Variants in DAB1 observed in about 807,000 individuals in gnomAD.
The protein encoded by DAB1 is disabled homolog 1.
In DAB1, 15 loss-of-function variants were observed where a neutral mutation model predicts 64.6. The ratio of observed to expected loss-of-function variants is 0.23; its 90% CI spans 0.16 to 0.36. DAB1 has a LOEUF of 0.36. DAB1 is among the 10% of genes least tolerant of loss of function. The pLI, the probability that DAB1 is intolerant of heterozygous loss-of-function variation, is 1.00. For synonymous variants in DAB1, 235 were observed against 251.9 expected (o/e 0.93, Z 0.64); for missense variants, 596 against 706.7 (o/e 0.84, Z 1.78).
rs528105035 is a variant in DAB1 at position 57,893,713 on chromosome 1, C to T, written n.388-9551G>A. Among the ~76,000 whole-genome samples, 15 of 152,214 alleles carry T rather than the reference C, an allele frequency of 9.9e-5. No homozygotes were observed. In the East Asian group the frequency reaches 1.4e-3, roughly 14 times the overall value. On this transcript the variant is annotated intron_variant and non_coding_transcript_variant, in intron 5 of 20. Coordinates refer to the DAB1 transcript ENST00000485760. ...ATAAACAGGGCAGGAAAGGCTCCCGCCACCACCAGGAATGTCAGGCAACCA... is the reference window on the plus strand; with the variant it reads ...ATAAACAGGGCAGGAAAGGCTCCCGTCACCACCAGGAATGTCAGGCAACCA...
At chr1:58,544,783 G>A (rs10789065) in intron 1 of DAB1, among the ~76,000 whole-genome samples, 98,817 of 152,112 alleles carry the variant, frequency 0.65, 34,196 homozygotes, top group East Asian at 0.94. Context: ...TAGTAGAGAC[G>A]GGGTTTCGGC....
At chr1:57,066,324 A>T (rs1043497023) in intron 8 of DAB1, among the ~76,000 whole-genome samples, 1 of 152,206 alleles carries the variant, frequency 6.6e-6, no homozygotes, top group Admixed American at 6.6e-5. Context: ...GTTCAAAATG[A>T]TAGTCATTGT....
intron 4 of DAB1, among the ~76,000 whole-genome samples, chr1:58,314,095 G>A (rs562777746): frequency 6.6e-6 from 1 of 152,132 alleles, no homozygotes; most frequent in East Asian, 1.9e-4. Context: ...TTATTGCTCA[G>A]TCCTGGACTT....
chr1:57,521,431 G>C (rs2101382046), intron 7 of DAB1, among the ~76,000 whole-genome samples: 1 of 151,192 alleles, frequency 6.6e-6, no homozygotes, highest in Admixed American at 6.5e-5. Context: ...CTGGCAGGGG[G>C]CTGAACGACA....
chr1:57,706,270 C>CT (rs1646966200), intron 6 of DAB1, among the ~76,000 whole-genome samples: 1 of 151,490 alleles, frequency 6.6e-6, no homozygotes. Context: ...CTTTTTTTCT[C>CT]TTTCTCTTTT....
chr1:57,424,992 A>T (rs1021822553), upstream of DAB1, among the ~76,000 whole-genome samples: 1 of 152,198 alleles, frequency 6.6e-6, no homozygotes, highest in Admixed American at 6.5e-5. Context: ...CTCCTTGCTT[A>T]GGGTCCTAGC....
At chr1:57,565,268 A>G (rs1645103923) in intron 7 of DAB1, among the ~76,000 whole-genome samples, 1 of 152,228 alleles carries the variant, frequency 6.6e-6, no homozygotes, top group Non-Finnish European at 1.5e-5. Context: ...GAGCTCTTGA[A>G]GGAAGCACTA....
chr1:58,068,609 C>CA (rs1338095441), intron 5 of DAB1, among the ~76,000 whole-genome samples: 1 of 151,546 alleles, frequency 6.6e-6, no homozygotes, highest in African/African-American at 2.4e-5. Flanking sequence ...ACTAATAATA[C>CA]AAAAAAATTA....
chr1:57,297,045 C>A (rs1368266710), intron 1 of DAB1, among the ~76,000 whole-genome samples: 3 of 152,074 alleles, frequency 2.0e-5, no homozygotes, highest in Admixed American at 2.0e-4. Flanking sequence ...CATGTGATAC[C>A]CTGAGCAGAA....
intron 5 of DAB1, among the ~76,000 whole-genome samples, chr1:57,908,419 A>G (rs1415023795): frequency 2.0e-5 from 3 of 152,174 alleles, no homozygotes; most frequent in African/African-American, 7.2e-5. Context: ...TTAACGCTAG[A>G]GAGAAGAGAG....
intron 7 of DAB1, among the ~76,000 whole-genome samples, chr1:57,640,773 C>T (rs1646118481): frequency 1.3e-5 from 2 of 152,224 alleles, no homozygotes; most frequent in Non-Finnish European, 2.9e-5. Context: ...ACACCCAGAG[C>T]TAGTGTCCCC....
intron 5 of DAB1, among the ~76,000 whole-genome samples, chr1:58,113,368 A>G (rs1652099298): frequency 6.6e-6 from 1 of 152,112 alleles, no homozygotes; most frequent in Non-Finnish European, 1.5e-5. Context: ...TGCCCAGGTG[A>G]ATGGTGTCCT....
At chr1:57,513,377 C>T (rs1644427029) in intron 7 of DAB1, among the ~76,000 whole-genome samples, 1 of 152,158 alleles carries the variant, frequency 6.6e-6, no homozygotes, top group Non-Finnish European at 1.5e-5. Flanking sequence ...ACCTCATTAA[C>T]AGTACTTATA....
chr1:58,096,217 A>G (rs1650970322), intron 5 of DAB1, among the ~76,000 whole-genome samples: 1 of 152,164 alleles, frequency 6.6e-6, no homozygotes, highest in South Asian at 2.1e-4. Context: ...AATAAATGTC[A>G]CTTTGTGTGG....
At chr1:57,762,830 C>T (rs754912987) in intron 6 of DAB1, among the ~76,000 whole-genome samples, 1 of 152,158 alleles carries the variant, frequency 6.6e-6, no homozygotes, top group Admixed American at 6.5e-5. Flanking sequence ...TCCTTGACCC[C>T]ACTGTGCTAT....
chr1:58,006,900 G>A (rs941335395), intron 5 of DAB1, among the ~76,000 whole-genome samples: 1 of 152,176 alleles, frequency 6.6e-6, no homozygotes, highest in African/African-American at 2.4e-5. Flanking sequence ...TCTTAAATCT[G>A]GCCTTAATGA....
chr1:57,823,200 G>T (rs1157495366), downstream of DAB1, among the ~76,000 whole-genome samples: 4 of 151,942 alleles, frequency 2.6e-5, no homozygotes, highest in Non-Finnish European at 1.5e-5. Context: ...GGCCAGGCTG[G>T]TCTCAAACTC....
chr1:57,396,236 A>G (rs1682798383), intron 1 of DAB1, among the ~76,000 whole-genome samples: 1 of 152,230 alleles, frequency 6.6e-6, no homozygotes. Context: ...TGAAAACATT[A>G]GATTGCAGGT....
At chr1:58,472,926 G>C (rs1277185072) in intron 3 of DAB1, among the ~76,000 whole-genome samples, 1 of 152,174 alleles carries the variant, frequency 6.6e-6, no homozygotes, top group African/African-American at 2.4e-5. Context: ...GCAGCCAGCA[G>C]TGGCCACTCA....
Sources: allele counts gnomAD v4.1 joint callset (sites outside exome capture counted in the v4.1 genomes callset), GRCh38; gene constraint gnomAD v4.1.1; transcripts MANE v1.5; gene names NCBI Gene and HGNC (gene_info 2026-07-23, HGNC 2026-07-21).